Variants in TTC7B observed in about 807,000 individuals in gnomAD.
TTC7B encodes tetratricopeptide repeat domain 7B, also known as tetratricopeptide repeat protein 7B.
TTC7B carries 28 observed loss-of-function variants against 106.8 expected under a neutral mutation model. The observed-to-expected ratio is 0.26, with a 90% CI of 0.19 to 0.36. The LOEUF is 0.36. Among genes scored for constraint, TTC7B ranks in the 10% least tolerant of loss-of-function variants. TTC7B has a pLI of 1.00. For synonymous variants in TTC7B, 405 were observed against 430.6 expected (o/e 0.94, Z 0.74); for missense variants, 862 against 1,076.4 (o/e 0.80, Z 2.79).
At chr14:90,605,249 C>T (rs1190882160) in intron 17 of TTC7B, among the ~76,000 whole-genome samples, 6 of 152,078 alleles carry the variant, frequency 3.9e-5, no homozygotes, top group Admixed American at 6.5e-5. Flanking sequence ...GGAGTTTTTG[C>T]GCAAAATGTC....
At chr14:90,618,555 T>TGTCTTCCCATTCCTGC (rs1302451505) in intron 15 of TTC7B, among the ~76,000 whole-genome samples, 1 of 152,226 alleles carries the variant, frequency 6.6e-6, no homozygotes, top group East Asian at 1.9e-4. Context: ...TCAGCTCCTG[T>TGTCTTCCCATTCCTGC]GTCTTCCCAT....
intron 5 of TTC7B, among the ~76,000 whole-genome samples, chr14:90,709,167 C>G (rs1644932397): frequency 6.6e-6 from 1 of 151,916 alleles, no homozygotes; most frequent in Admixed American, 6.6e-5. Context: ...ACCATTTGAC[C>G]CAGCCATCCC....
intron 1 of TTC7B, among the ~76,000 whole-genome samples, chr14:90,797,736 G>T (rs1292277212): frequency 1.3e-5 from 2 of 152,136 alleles, no homozygotes; most frequent in Non-Finnish European, 2.9e-5. Context: ...ACAGATATAT[G>T]CAATCTTCAG....
Position 90,624,780 on chromosome 14 carries a change from G to C in TTC7B, c.1752-6735C>G, listed in dbSNP as rs557865508. Among the ~76,000 whole-genome samples the C allele has an allele frequency of 8.5e-5, 13 of 152,368 alleles. No individual in the cohort carries two copies. The highest frequency in any genetic ancestry group is 3.1e-4 in the African/African-American group (13 of 41,582). ...TTCACTAATTAGGTGATCCGTGAAT[G>C]CTGCAGTCTTAGTAACTGCTTTAGA... On this transcript the variant is annotated intron_variant, in intron 15 of 19. Coordinates refer to ENST00000328459, the MANE Select transcript of TTC7B (RefSeq NM_001010854.2). This position sits in a 1 kb window ranked among gnomAD's most constrained non-coding sequence, Gnocchi z 4.0.
chr14:90,670,953 G>T (rs1333833449), intron 9 of TTC7B, among the ~76,000 whole-genome samples: 2 of 152,218 alleles, frequency 1.3e-5, no homozygotes, highest in East Asian at 3.9e-4. Flanking sequence ...AAGGAAAGGG[G>T]GCAGGATGAG....
chr14:90,787,820 G>A (rs987198231), intron 1 of TTC7B, among the ~76,000 whole-genome samples: 2 of 152,118 alleles, frequency 1.3e-5, no homozygotes, highest in Admixed American at 1.3e-4. Context: ...ACGAAAACAG[G>A]GCTGAGTTCA....
chr14:90,689,742 C>T, intron 6 of TTC7B, 30 bp from the exon 7 acceptor site: 1 of 1,609,994 alleles, frequency 6.2e-7, no homozygotes, highest in Non-Finnish European at 8.5e-7. Flanking sequence ...AAAGCATAGC[C>T]ATGAATCTAT....
intron 19 of TTC7B, among the ~76,000 whole-genome samples, chr14:90,546,708 T>C (rs751235305): frequency 9.9e-5 from 15 of 152,212 alleles, no homozygotes; most frequent in Non-Finnish European, 1.5e-4. Flanking sequence ...TATTACCATA[T>C]ATTACCATAT....
chr14:90,552,834 T>G (rs1890144389), intron 19 of TTC7B, among the ~76,000 whole-genome samples: 1 of 152,188 alleles, frequency 6.6e-6, no homozygotes, highest in African/African-American at 2.4e-5. Flanking sequence ...CCAGTCCCCA[T>G]GGCTGCCACC....
In TTC7B at chr14:90,541,608, G is replaced by A; in HGVS notation, c.2311-19C>T. The A allele has an allele frequency of 1.3e-6, 2 of 1,535,864 alleles. No homozygotes were observed. The highest frequency in any genetic ancestry group is 1.8e-6 in the Non-Finnish European group (2 of 1,133,262). The stretch of plus-strand genomic sequence containing the variant: ...TCAGGGCCTGGAGAGGTCAGAGAGA[G>A]AGAGAGACAGTCAGCCATGGAGGCT... On this transcript the variant is annotated intron_variant, in intron 19 of 19. Coordinates refer to ENST00000328459, the MANE Select transcript of TTC7B (RefSeq NM_001010854.2).
rs1460764113 is a variant in TTC7B at position 90,600,093 on chromosome 14, G to T, written c.1967-6467C>A. Among the ~76,000 whole-genome samples, 2 of 152,174 alleles carry T rather than the reference G, an allele frequency of 1.3e-5. No individual in the cohort carries two copies. Among genetic ancestry groups the T allele is most frequent in the African/African-American group, 4.8e-5 (2 of 41,432 alleles). On this transcript the variant is annotated intron_variant, in intron 17 of 19. Coordinates refer to ENST00000328459, the MANE Select transcript of TTC7B (RefSeq NM_001010854.2). This position sits in a 1 kb window ranked among gnomAD's most constrained non-coding sequence, Gnocchi z 4.3. ...AGGACGGGAGGAGGCGAAGGAGTTA[G>T]TGTTGACTGTCTCTTATTTCTTGAA...
intron 19 of TTC7B, among the ~76,000 whole-genome samples, chr14:90,554,284 G>A (rs1258004398): frequency 1.3e-5 from 2 of 152,198 alleles, no homozygotes; most frequent in African/African-American, 4.8e-5. Context: ...AGGGTGGTCG[G>A]GGTTGCAGTG....
Position 90,805,595 on chromosome 14 carries a change from A to C in TTC7B, c.121+10580T>G, listed in dbSNP as rs1220742863. 6.6e-6 allele frequency among the ~76,000 whole-genome samples: 1 copy of C among 152,136 alleles called. No individual in the cohort carries two copies. Among genetic ancestry groups the C allele is most frequent in the Non-Finnish European group, 1.5e-5 (1 of 68,026 alleles). ...CCTCACCTCTATCTGCAAGGTTGGA[A>C]CAGGGGTAAGGAGGGATTCAAGGGT... On this transcript the variant is annotated intron_variant, in intron 1 of 19. Coordinates refer to ENST00000328459, the MANE Select transcript of TTC7B (RefSeq NM_001010854.2). The surrounding 1 kb of genome is among the most constrained non-coding windows in gnomAD (Gnocchi z 4.0).
At chr14:90,780,490 G>GAAAGAAAGAAAGAAA (rs1891182016) in intron 3 of TTC7B, among the ~76,000 whole-genome samples, 4 of 147,546 alleles carry the variant, frequency 2.7e-5, no homozygotes, top group East Asian at 2.0e-4. Context: ...AAGAAAGAAA[G>GAAAGAAAGAAAGAAA]GAAAGAAACT....
At chr14:90,579,595 C>T (rs1389816214) in intron 18 of TTC7B, among the ~76,000 whole-genome samples, 1 of 152,116 alleles carries the variant, frequency 6.6e-6, no homozygotes, top group Non-Finnish European at 1.5e-5. Flanking sequence ...GTCAGGAGTT[C>T]GAAACCAGCC....
In TTC7B at chr14:90,531,822, A is replaced by T. The variant is rs1234623817; in HGVS notation, c.*9546T>A. Reference sequence around the variant, plus strand: ...GTTGAAAGCCAGAGAATCTGAAAACACTGGACTGAAAAGTCTCATTGTGTC... The same window carrying T: ...GTTGAAAGCCAGAGAATCTGAAAACTCTGGACTGAAAAGTCTCATTGTGTC... On this transcript the variant is annotated 3_prime_UTR_variant, in exon 20 of 20. Coordinates refer to ENST00000328459, the MANE Select transcript of TTC7B (RefSeq NM_001010854.2). The T allele has an allele frequency of 3.3e-5, 5 of 152,322 alleles. No homozygotes were observed. The highest frequency in any genetic ancestry group is 1.2e-4 in the African/African-American group (5 of 41,566). The allele number at this position is 152,322 out of a possible 1,614,324, so 9.4% of individuals were successfully genotyped here. A position where few individuals can be genotyped will look rare whatever the true frequency, so the allele number is the denominator to read the frequency against.
At chr14:90,646,711 C>T in intron 14 of TTC7B, 1 of 504,076 alleles carries the variant, frequency 2.0e-6, no homozygotes, top group Non-Finnish European at 3.6e-6. Context: ...TAGCTTGGGC[C>T]CTCCAGCTGT....
In TTC7B at chr14:90,621,452, G is replaced by A. The variant is rs118048480; in HGVS notation, c.1752-3407C>T. Among the ~76,000 whole-genome samples the A allele has an allele frequency of 5.3e-3, 807 of 151,892 alleles. 7 individuals carry two copies. Among genetic ancestry groups the A allele is most frequent in the African/African-American group, 0.017 (700 of 41,348 alleles). ...GGGCAGAAGCCACGTGGGTACGGCC[G>A]GGACAAGTGGCAGAAGCCATGCGGG... On this transcript the variant is annotated intron_variant, in intron 15 of 19. Coordinates refer to ENST00000328459, the MANE Select transcript of TTC7B (RefSeq NM_001010854.2).
At chr14:90,636,079 C>T (rs1316477668) in intron 15 of TTC7B, among the ~76,000 whole-genome samples, 2 of 151,438 alleles carry the variant, frequency 1.3e-5, no homozygotes, top group Non-Finnish European at 2.9e-5. Flanking sequence ...TGAGATTGTG[C>T]CTCTGCACTA....
Sources: gnomAD v4.1 joint callset for allele counts (sites outside exome capture counted in the v4.1 genomes callset) on GRCh38, gnomAD v4.1.1 for gene constraint, Gnocchi (gnomAD v3.1) non-coding constraint, MANE v1.5 for transcripts, NCBI Gene and HGNC (gene_info 2026-07-23, HGNC 2026-07-21) for gene names.